The following VPS13A variants were observed in gnomAD, a reference collection of about 807,000 sequenced individuals.
VPS13A encodes the protein intermembrane lipid transfer protein VPS13A.
Under a neutral mutation model 390.9 loss-of-function variants are expected in VPS13A, and 264 were observed. The ratio of observed to expected loss-of-function variants is 0.68; its 90% CI spans 0.61 to 0.75. The LOEUF (loss-of-function observed/expected upper bound fraction) is 0.75, where lower values mean the gene tolerates loss of function less well. Ranked by LOEUF, VPS13A falls within the 30% of genes least tolerant of loss-of-function variation. The pLI is 0.00. For missense variants in VPS13A, 3,409 were observed against 3,733.9 expected, an observed-to-expected ratio of 0.91 and a Z score of 2.27; for synonymous variants, 1,231 against 1,227.1, an observed-to-expected ratio of 1.00 and a Z score of -0.07.
intron 5 of VPS13A, among the ~76,000 whole-genome samples, chr9:77,206,467 C>T (rs147831747): frequency 6.6e-6 from 1 of 152,098 alleles, no homozygotes; most frequent in East Asian, 1.9e-4. Context: ...CAATTCTTCA[C>T]CCTTTTGGAG....
intron 13 of VPS13A, among the ~76,000 whole-genome samples, chr9:77,223,750 A>G (rs1366782135): frequency 6.6e-6 from 1 of 152,210 alleles, no homozygotes; most frequent in South Asian, 2.1e-4. Context: ...GAAAGTGCTG[A>G]TGGAGAAGCT....
At chr9:77,254,190 G>T (rs997860806) in intron 22 of VPS13A, among the ~76,000 whole-genome samples, 1 of 152,088 alleles carries the variant, frequency 6.6e-6, no homozygotes, top group African/African-American at 2.4e-5. Flanking sequence ...TGATCCGCCC[G>T]CCTCGGCCTC....
chr9:77,241,266 C>A (rs1257971246), intron 19 of VPS13A, among the ~76,000 whole-genome samples: 1 of 152,120 alleles, frequency 6.6e-6, no homozygotes, highest in Non-Finnish European at 1.5e-5. Flanking sequence ...TTTATCTTCT[C>A]ATTTACTGAG....
chr9:77,292,520 C>T (rs1827738106), intron 31 of VPS13A, among the ~76,000 whole-genome samples: 1 of 152,044 alleles, frequency 6.6e-6, no homozygotes, highest in Non-Finnish European at 1.5e-5. Context: ...GCTTTGTGCA[C>T]CCTAGGCAGA....
intron 68 of VPS13A, among the ~76,000 whole-genome samples, chr9:77,391,851 T>C (rs1397641445): frequency 2.0e-5 from 3 of 152,208 alleles, no homozygotes; most frequent in Non-Finnish European, 4.4e-5. Context: ...TTTATATGAA[T>C]ACAAAGAAAA....
chr9:77,337,607 A>C, intron 47 of VPS13A, 70 bp downstream of exon 47: 1 of 1,467,074 alleles, frequency 6.8e-7, no homozygotes, highest in Admixed American at 1.9e-5. Context: ...GATTAAGATC[A>C]ATAAAAACTA....
chr9:77,335,890 T>G (rs1220665971), intron 46 of VPS13A, among the ~76,000 whole-genome samples: 1 of 152,184 alleles, frequency 6.6e-6, no homozygotes, highest in African/African-American at 2.4e-5. Context: ...CATTGTACTA[T>G]AAAGACAGAT....
At position 77,415,834 on chromosome 9, in the gene VPS13A, T is replaced by C. The variant is rs1587743357; in HGVS notation, c.9475-122T>C. Reference sequence around the variant, plus strand: ...TCTTTTGCAGGATGAATTTTATGTATTGGCTGTCAGTATTACACCTAACTA... The same window carrying C: ...TCTTTTGCAGGATGAATTTTATGTACTGGCTGTCAGTATTACACCTAACTA... On this transcript the variant is annotated intron_variant, in intron 71 of 71. Coordinates refer to ENST00000360280, the MANE Select transcript of VPS13A (RefSeq NM_033305.3). 1.1e-5 allele frequency: 12 copies of C among 1,096,192 alleles called. No homozygotes were observed. The East Asian group carries it at 2.8e-4, about 26-fold the overall frequency. 67.9% of individuals were successfully genotyped at this position (1,096,192 alleles called of 1,614,324 possible). A position where few individuals can be genotyped will look rare whatever the true frequency, so the allele number is the denominator to read the frequency against.
intron 71 of VPS13A, among the ~76,000 whole-genome samples, chr9:77,409,223 C>A (rs1834785126): frequency 6.6e-6 from 1 of 152,234 alleles, no homozygotes; most frequent in African/African-American, 2.4e-5. Flanking sequence ...AACAGACCTG[C>A]AGCTGAGGGT....
intron 22 of VPS13A, among the ~76,000 whole-genome samples, chr9:77,254,343 T>G (rs144038294): frequency 1.3e-5 from 2 of 152,336 alleles, no homozygotes; most frequent in East Asian, 1.9e-4. Context: ...TGAAAATCAT[T>G]TATCCATATA....
In VPS13A at chr9:77,348,298, A is replaced by C. The variant is rs1046382431; in HGVS notation, c.7290-3019A>C. Among the ~76,000 whole-genome samples the C allele has an allele frequency of 1.4e-4, 21 of 152,350 alleles. No homozygotes were observed. In the South Asian group the frequency reaches 4.1e-3, roughly 30 times the overall value. On this transcript the variant is annotated intron_variant, in intron 52 of 71. Transcript: ENST00000360280. The stretch of plus-strand genomic sequence containing the variant: ...CCATGGATACTATGCAGCCGTAAAA[A>C]GGAACGAGATCATTCCTTTGCAAGG...
Position 77,207,230 on chromosome 9 carries a change from TATATATATATATATATATATATAA to T in VPS13A, c.385+1153_385+1176del, listed in dbSNP as rs1248083203. ...TTTAGATATTATATATATATATATATATATATATATATATATATATATAAAACGTGTTATATGTAACATAACATG... is the reference window on the plus strand; with the variant it reads ...TTTAGATATTATATATATATATATATAACGTGTTATATGTAACATAACATG... On this transcript the variant is annotated intron_variant, in intron 5 of 71. Coordinates refer to ENST00000360280, the MANE Select transcript of VPS13A (RefSeq NM_033305.3). Among the ~76,000 whole-genome samples, 11 of 95,802 alleles carry T rather than the reference TATATATATATATATATATATATAA, an allele frequency of 1.1e-4. No individual in the cohort carries two copies. The South Asian group carries it at 3.5e-3, about 30-fold the overall frequency. The allele number at this position is 95,802 out of a possible 152,430, so 62.8% of individuals were successfully genotyped here. A position where few individuals can be genotyped will look rare whatever the true frequency, so the allele number is the denominator to read the frequency against.
intron 51 of VPS13A, 62 bp downstream of exon 51, chr9:77,344,343 T>G: frequency 6.6e-7 from 1 of 1,522,828 alleles, no homozygotes. Flanking sequence ...TGACTAGTAT[T>G]GTATTTATTT....
Position 77,282,200 on chromosome 9 carries a change from C to T in VPS13A, c.3044C>T (p.Pro1015Leu), listed in dbSNP as rs751355339. 26 of 1,613,238 alleles carry T rather than the reference C, an allele frequency of 1.6e-5. No homozygotes were observed. The highest frequency in any genetic ancestry group is 4.5e-5 in the East Asian group (2 of 44,764). The change falls in exon 29 of 72, where the codon CCG (proline) becomes CTG (leucine). Residue 1015 changes from proline to leucine, a missense_variant. By Grantham distance (98) the Pro-to-Leu change is moderately conservative (BLOSUM62 -3). Coordinates refer to ENST00000360280, the MANE Select transcript of VPS13A (RefSeq NM_033305.3). The part of the protein sequence containing the change: ...NTINYLHNIL[P>L]QSEEKSAPVS... Reference sequence around the variant, plus strand: ...ATAAATTATCTTCATAATATCCTTCCGCAATCAGAGGAAAAATCAGCCCCA... The same window carrying T: ...ATAAATTATCTTCATAATATCCTTCTGCAATCAGAGGAAAAATCAGCCCCA...
At chr9:77,409,871 G>A (rs979173211) in intron 71 of VPS13A, among the ~76,000 whole-genome samples, 1 of 151,416 alleles carries the variant, frequency 6.6e-6, no homozygotes, top group Non-Finnish European at 1.5e-5. Context: ...AAAACACTCT[G>A]CAGGATATTA....
Position 77,415,947 on chromosome 9 carries a change from C to G in VPS13A, c.9475-9C>G. 1 of 1,612,944 alleles carries G rather than the reference C, an allele frequency of 6.2e-7. No homozygotes were observed. On this transcript the variant is annotated splice_polypyrimidine_tract_variant and intron_variant, in intron 71 of 71. Coordinates refer to ENST00000360280, the MANE Select transcript of VPS13A (RefSeq NM_033305.3). ...AGTAAGCAAATGTTCATTTATTTTC[C>G]CACCGCAGTGGATCCTCACAAAGCT...
In VPS13A at chr9:77,226,559, C is replaced by T. The variant is rs765442461; in HGVS notation, c.1318C>T (p.Gln440Ter). Residue 440 changes from glutamine (Q) to a stop codon, truncating the protein, a stop_gained, in exon 15 of 72, where the codon CAA (glutamine) becomes TAA (stop). Transcript: ENST00000360280. LOFTEE classifies it high-confidence loss of function. The part of the protein sequence containing the change: ...WFSWLWSWSE[Q>*]NTNEQQPDVQ... ...TAGCTGGCTATGGTCTTGGTCAGAA[C>T]AAAATACTAATGAACAGCAACCAGA... The T allele has an allele frequency of 6.2e-7, 1 of 1,612,952 alleles. No individual in the cohort carries two copies. Among genetic ancestry groups the T allele is most frequent in the African/African-American group, 1.3e-5 (1 of 74,976 alleles).
intron 3 of VPS13A, among the ~76,000 whole-genome samples, chr9:77,204,612 T>C (rs189578764): frequency 2.6e-5 from 4 of 152,228 alleles, no homozygotes; most frequent in Admixed American, 6.5e-5. Context: ...CACACACTTA[T>C]TTAAAGTATA....
intron 71 of VPS13A, among the ~76,000 whole-genome samples, chr9:77,414,597 G>A (rs1835086270): frequency 6.6e-6 from 1 of 152,008 alleles, no homozygotes; most frequent in Non-Finnish European, 1.5e-5. Flanking sequence ...TATGGGATGG[G>A]GGGAGGGAGG....
Sources: allele counts gnomAD v4.1 joint callset (sites outside exome capture counted in the v4.1 genomes callset), GRCh38; gene constraint gnomAD v4.1.1; transcripts MANE v1.5; gene names NCBI Gene and HGNC (gene_info 2026-07-23, HGNC 2026-07-21).